MCTP2: variants seen among roughly 807,000 people sequenced by gnomAD.
The protein encoded by MCTP2 is multiple C2 and transmembrane domain-containing protein 2.
A neutral mutation model predicts 111.6 loss-of-function variants in MCTP2; 132 were observed. That is an observed-to-expected ratio of 1.18 (90% CI 1.03 to 1.37). The LOEUF is 1.37. Among genes scored for constraint, MCTP2 ranks in the 40% most tolerant of loss-of-function variants. The pLI, the probability that MCTP2 is intolerant of heterozygous loss-of-function variation, is 0.00. For missense variants in MCTP2, 1,183 were observed against 1,067.9 expected (o/e 1.11, Z -1.50); for synonymous variants, 395 against 387.7 (o/e 1.02, Z -0.22).
In MCTP2 at chr15:94,298,203, G is replaced by A; in HGVS notation, c.-63G>A. On this transcript the variant is annotated splice_region_variant and 5_prime_UTR_variant, in exon 2 of 23. Coordinates refer to ENST00000357742, the MANE Select transcript of MCTP2 (RefSeq NM_001385001.1). The stretch of plus-strand genomic sequence containing the variant: ...TGTTGTTTTTTTCTGTTTTATAGGA[G>A]TCATTGCAGTTTTCAGTAGAGGTGT... The A allele has an allele frequency of 8.3e-7, 1 of 1,205,432 alleles. No homozygotes were observed. The highest frequency in any genetic ancestry group is 1.6e-5 in the South Asian group (1 of 61,644). The allele number at this position is 1,205,432 out of a possible 1,614,324, so 74.7% of individuals were successfully genotyped here.
chr15:94,245,015 T>C (rs2071687148), intron 1 of MCTP2, among the ~76,000 whole-genome samples: 2 of 149,384 alleles, frequency 1.3e-5, no homozygotes, highest in South Asian at 4.2e-4. Flanking sequence ...TGTATACACA[T>C]ACATATGCAC....
In MCTP2 at chr15:94,380,808, A is replaced by T. The variant is rs149387535; in HGVS notation, c.1583-3214A>T. 7.8e-3 allele frequency among the ~76,000 whole-genome samples: 1,189 copies of T among 152,266 alleles called. 13 individuals are homozygous for T. The highest frequency in any genetic ancestry group is 0.027 in the African/African-American group (1,114 of 41,554). ...GGGGTTATCAAATGAATGATATGAC[A>T]ATTGTAACACATTTATTATTTGTCA... On this transcript the variant is annotated intron_variant, in intron 12 of 22. Coordinates refer to ENST00000357742, the MANE Select transcript of MCTP2 (RefSeq NM_001385001.1).
intron 1 of MCTP2, among the ~76,000 whole-genome samples, chr15:94,257,595 T>C (rs2072896378): frequency 2.9e-5 from 2 of 68,228 alleles, no homozygotes; most frequent in African/African-American, 1.3e-4. Context: ...TTTTTTTTTT[T>C]TTTTTTTTTG....
chr15:94,245,852 A>C (rs2045266), intron 1 of MCTP2, among the ~76,000 whole-genome samples: 5,708 of 151,792 alleles, frequency 0.038, 213 homozygotes, highest in East Asian at 0.12. Flanking sequence ...AATATTGATC[A>C]GCTATGATTT....
At position 94,245,262 on chromosome 15, in the gene MCTP2, AT is replaced by A. The variant is rs1411190364; in HGVS notation, c.-66+13599del. 2.8e-5 allele frequency among the ~76,000 whole-genome samples: 4 copies of A among 142,410 alleles called. No homozygotes were observed. The East Asian group carries it at 8.4e-4, about 30-fold the overall frequency. The allele number at this position is 142,410 out of a possible 152,430, so 93.4% of individuals were successfully genotyped here. On this transcript the variant is annotated intron_variant, in intron 1 of 22. Coordinates refer to ENST00000357742, the MANE Select transcript of MCTP2 (RefSeq NM_001385001.1). ...TATATATACACATATGTATATATAC[AT>A]ATGTGTATATACGTATATACACATA... is the stretch of plus-strand genomic sequence containing the variant.
chr15:94,377,609 A>G (rs559719453), intron 12 of MCTP2, among the ~76,000 whole-genome samples: 12 of 152,312 alleles, frequency 7.9e-5, no homozygotes, highest in African/African-American at 2.9e-4. Flanking sequence ...AAATTTATTT[A>G]GCAAATATAC....
chr15:94,412,519 A>G (rs2082198633), intron 17 of MCTP2, among the ~76,000 whole-genome samples: 1 of 152,134 alleles, frequency 6.6e-6, no homozygotes, highest in Non-Finnish European at 1.5e-5. Flanking sequence ...CGATGATCAC[A>G]ATGATGACAA....
chr15:94,323,425 C>T (rs1235622153), intron 4 of MCTP2, among the ~76,000 whole-genome samples: 2 of 152,156 alleles, frequency 1.3e-5, no homozygotes, highest in African/African-American at 4.8e-5. Flanking sequence ...TAATCATGGG[C>T]ACAGAAGACT....
rs372022866 is a variant in MCTP2, at chr15:94,371,126, G to GA, written c.1582+958dup. ...AATTTTAGGAAATATAAACTTAGTTGAAAAAAAAAAAAGTTCTCCTCACCC... is the reference window on the plus strand; with the variant it reads ...AATTTTAGGAAATATAAACTTAGTTGAAAAAAAAAAAAAGTTCTCCTCACCC... On this transcript the variant is annotated intron_variant, in intron 12 of 22. Transcript: ENST00000357742. Among the ~76,000 whole-genome samples, 718 of 143,350 alleles carry GA rather than the reference G, an allele frequency of 5.0e-3. 4 individuals carry two copies. Among genetic ancestry groups the GA allele is most frequent in the Middle Eastern group, 0.018 (5 of 276 alleles). 94.0% of individuals were successfully genotyped at this position (143,350 alleles called of 152,430 possible). A position where few individuals can be genotyped will look rare whatever the true frequency, so the allele number is the denominator to read the frequency against.
intron 20 of MCTP2, among the ~76,000 whole-genome samples, chr15:94,458,947 C>T (rs534968870): frequency 1.3e-5 from 2 of 152,262 alleles, no homozygotes; most frequent in South Asian, 4.1e-4. Context: ...ATAGTCTACC[C>T]ACAGCTTGCC....
rs146744700 is a variant in MCTP2, at chr15:94,244,228, A to G, written c.-66+12564A>G. Reference sequence around the variant, plus strand: ...TGTATACACATACATATGTGTATATATTTATATACACGTGTATACACATAT... The same window carrying G: ...TGTATACACATACATATGTGTATATGTTTATATACACGTGTATACACATAT... On this transcript the variant is annotated intron_variant, in intron 1 of 22. Transcript: ENST00000357742. Among the ~76,000 whole-genome samples, 419 of 126,238 alleles carry G rather than the reference A, an allele frequency of 3.3e-3. 7 individuals are homozygous for G. Among genetic ancestry groups the G allele is most frequent in the African/African-American group, 7.1e-3 (219 of 30,910 alleles). The allele number at this position is 126,238 out of a possible 152,430, so 82.8% of individuals were successfully genotyped here. A position where few individuals can be genotyped will look rare whatever the true frequency, so the allele number is the denominator to read the frequency against.
At chr15:94,331,249 A>G (rs2077120629) in intron 4 of MCTP2, among the ~76,000 whole-genome samples, 1 of 152,206 alleles carries the variant, frequency 6.6e-6, no homozygotes, top group Admixed American at 6.5e-5. Context: ...GGCTCATCTT[A>G]GTTGATGGGT....
intron 1 of MCTP2, among the ~76,000 whole-genome samples, chr15:94,295,645 TC>T (rs2152331128): frequency 6.6e-6 from 1 of 152,342 alleles, no homozygotes; most frequent in African/African-American, 2.4e-5. Context: ...TTTTATGTTT[TC>T]CATATATATT....
intron 17 of MCTP2, among the ~76,000 whole-genome samples, chr15:94,424,118 G>A (rs1417749156): frequency 1.3e-5 from 2 of 151,964 alleles, no homozygotes; most frequent in African/African-American, 2.4e-5. Context: ...ATTTCTGAAG[G>A]TTTTAGAAAT....
At position 94,440,200 on chromosome 15, in the gene MCTP2, T is replaced by G. The variant is rs2083699674; in HGVS notation, c.2110T>G (p.Phe704Val). The change falls in exon 18 of 23, where the codon TTT becomes GTT. Residue 704 changes from phenylalanine to valine, a missense_variant. By Grantham distance (50) the Phe-to-Val change is conservative. Transcript: ENST00000357742. ...FAVFLITVWNFELYMIPLALL... is the reference protein window; with the variant it reads ...FAVFLITVWNVELYMIPLALL... ...GGTATTTTTGATCACTGTCTGGAAT[T>G]TTGAACTATATATGATCCCCTTGGC... 1 of 1,613,970 alleles carries G rather than the reference T, an allele frequency of 6.2e-7. No homozygotes were observed. Among genetic ancestry groups the G allele is most frequent in the South Asian group, 1.1e-5 (1 of 91,066 alleles).
At chr15:94,249,350 C>T (rs2072237816) in intron 1 of MCTP2, among the ~76,000 whole-genome samples, 1 of 152,074 alleles carries the variant, frequency 6.6e-6, no homozygotes, top group Non-Finnish European at 1.5e-5. Flanking sequence ...ATTTCTGGTC[C>T]TTCTATAGGA....
chr15:94,245,131 T>C (rs1388242531), intron 1 of MCTP2, among the ~76,000 whole-genome samples: 2 of 149,058 alleles, frequency 1.3e-5, no homozygotes, highest in Non-Finnish European at 3.0e-5. Context: ...TATACACATG[T>C]GTATATATTT....
chr15:94,240,135 T>C (rs2070839246), intron 1 of MCTP2, among the ~76,000 whole-genome samples: 1 of 152,154 alleles, frequency 6.6e-6, no homozygotes, highest in Non-Finnish European at 1.5e-5. Context: ...GACACACAGA[T>C]TTAGCTGCTG....
At chr15:94,339,722 A>G (rs2077537154) in intron 5 of MCTP2, among the ~76,000 whole-genome samples, 1 of 152,208 alleles carries the variant, frequency 6.6e-6, no homozygotes, top group Non-Finnish European at 1.5e-5. Flanking sequence ...AGCCTTTCTC[A>G]TTAGGAATAT....
Sources: gnomAD v4.1 joint callset for allele counts (sites outside exome capture counted in the v4.1 genomes callset) on GRCh38, gnomAD v4.1.1 for gene constraint, MANE v1.5 for transcripts, NCBI Gene and HGNC (gene_info 2026-07-23, HGNC 2026-07-21) for gene names.